Variants in COG1 observed in about 807,000 individuals in gnomAD.
The protein encoded by COG1 is component of oligomeric golgi complex 1, also known as conserved oligomeric Golgi complex subunit 1.
In COG1, 61 loss-of-function variants were observed where a neutral mutation model predicts 102.2. The observed-to-expected ratio is 0.60, with a 90% CI of 0.49 to 0.74. The LOEUF (loss-of-function observed/expected upper bound fraction) is 0.74, where lower values mean the gene tolerates loss of function less well. COG1 is among the 30% of genes least tolerant of loss of function. The pLI is 0.00. For synonymous variants in COG1, 454 were observed against 493.6 expected (o/e 0.92, Z 1.06); for missense variants, 1,164 against 1,232.1 (o/e 0.94, Z 0.83).
At chr17:73,195,023 C>T (rs962722022) in intron 1 of COG1, among the ~76,000 whole-genome samples, 2 of 152,194 alleles carry the variant, frequency 1.3e-5, no homozygotes, top group African/African-American at 4.8e-5. Context: ...AATGAGTGAC[C>T]TCATCCCTCC....
intron 4 of COG1, among the ~76,000 whole-genome samples, chr17:73,199,340 C>CT (rs11436401): frequency 0.51 from 77,917 of 151,956 alleles, 20,086 homozygotes; most frequent in East Asian, 0.6. Context: ...ACCCCCAGGA[C>CT]TGCATAGCAC....
At chr17:73,198,914 G>A (rs1375514595) in intron 4 of COG1, among the ~76,000 whole-genome samples, 1 of 152,242 alleles carries the variant, frequency 6.6e-6, no homozygotes, top group African/African-American at 2.4e-5. Context: ...TTTCCAGAGA[G>A]AGGTGCTTAA....
intron 13 of COG1, 126 bp downstream of exon 13, chr17:73,207,382 T>C: frequency 1.1e-6 from 1 of 917,094 alleles, no homozygotes; most frequent in Non-Finnish European, 1.7e-6. Flanking sequence ...ATGCTGCTTT[T>C]AATGGCGGCG....
intron 3 of COG1, 57 bp from the exon 4 acceptor site, chr17:73,197,167 CCT>C (rs1412352013): frequency 5.6e-6 from 9 of 1,612,248 alleles, no homozygotes; most frequent in Admixed American, 3.3e-5. Flanking sequence ...TCCAGAGCGT[CCT>C]CTGTCTTTCA....
intron 4 of COG1, 131 bp from the exon 5 acceptor site, chr17:73,199,734 C>G: frequency 5.7e-6 from 6 of 1,055,302 alleles, no homozygotes; most frequent in Non-Finnish European, 2.9e-6. Context: ...ACCATGACGC[C>G]TGGCAAATTG....
rs770925715 is a variant in COG1, at chr17:73,201,331, G to A, written c.1504G>A (p.Gly502Ser). ...AAACCGGGGTCAGTTTGCCAGTAGC[G>A]GCCTCTCCATGAAAGCACAAGCCAT... ...VANRGQFASS[G>S]LSMKAQAISP... The change falls in exon 7 of 14, where the codon GGC becomes AGC. Residue 502 changes from glycine to serine, a missense_variant. Physicochemically the swap from Gly to Ser is moderately conservative, Grantham distance 56 (BLOSUM62 0). Transcript: ENST00000299886. The A allele has an allele frequency of 3.7e-6, 6 of 1,614,166 alleles. No individual in the cohort carries two copies. The highest frequency in any genetic ancestry group is 1.3e-5 in the African/African-American group (1 of 75,032).
At chr17:73,197,134 G>T in intron 3 of COG1, 53 bp downstream of exon 3, 2 of 1,613,126 alleles carry the variant, frequency 1.2e-6, no homozygotes, top group Middle Eastern at 1.6e-4. Context: ...ATGGAGAAGG[G>T]TGAGCTGCGG....
chr17:73,207,839 A>C (rs1004241774), intron 13 of COG1: 26 of 1,268,568 alleles, frequency 2.0e-5, no homozygotes, highest in Non-Finnish European at 2.2e-5. Flanking sequence ...ACACAATATT[A>C]GCAGTGTATC....
intron 1 of COG1, 75 bp downstream of exon 1, chr17:73,193,459 CCCCTCTGTCAGTCCCAGACCCCGCGA>C: frequency 7.3e-7 from 1 of 1,361,010 alleles, no homozygotes. Flanking sequence ...CAACCCCGCC[CCCCTCTGTCAGTCCCAGACCCCGCGA>C]GTCCTCACCT....
Position 73,201,800 on chromosome 17 carries a change from A to C in COG1, c.1973A>C (p.Gln658Pro). ...AGAAAACAGGGAAAGGTGAAAACTCAGGAAATCATTCCTACACAGGCCAAG... is the reference window on the plus strand; with the variant it reads ...AGAAAACAGGGAAAGGTGAAAACTCCGGAAATCATTCCTACACAGGCCAAG... ...ALRKQGKVKT[Q>P]EIIPTQAKWQ... The change falls in exon 7 of 14, where the codon CAG (glutamine) becomes CCG (proline). Residue 658 changes from glutamine to proline, a missense_variant. Coordinates refer to ENST00000299886, the MANE Select transcript of COG1 (RefSeq NM_018714.3). The C allele has an allele frequency of 6.2e-7, 1 of 1,614,138 alleles. No homozygotes were observed. The highest frequency in any genetic ancestry group is 8.5e-7 in the Non-Finnish European group (1 of 1,179,970).
At chr17:73,206,303 T>C (rs764997768) in intron 11 of COG1, 41 bp downstream of exon 11, 1 of 1,466,770 alleles carries the variant, frequency 6.8e-7, no homozygotes, top group Non-Finnish European at 9.6e-7. Flanking sequence ...AACGAAGCGA[T>C]ACAGGCTCAA....
At chr17:73,206,882 G>C in intron 12 of COG1, 65 bp downstream of exon 12, 1 of 1,139,728 alleles carries the variant, frequency 8.8e-7, no homozygotes, top group South Asian at 1.2e-5. Flanking sequence ...ATCACGTCAG[G>C]AGATCGAGAC....
rs1272932767 is a variant in COG1 at position 73,193,215 on chromosome 17, G to A, written c.146G>A (p.Arg49Gln). 2 of 1,608,854 alleles carry A rather than the reference G, an allele frequency of 1.2e-6. No individual in the cohort carries two copies. Among genetic ancestry groups the A allele is most frequent in the Admixed American group, 1.7e-5 (1 of 59,418 alleles). ...AEIEHKKEEL[R>Q]QMVGERYRDL... ...ATCGAGCACAAGAAGGAGGAGCTGCGGCAGATGGTGGGCGAACGGTACCGC... is the reference window on the plus strand; with the variant it reads ...ATCGAGCACAAGAAGGAGGAGCTGCAGCAGATGGTGGGCGAACGGTACCGC... Residue 49 changes from arginine (R) to glutamine (Q), a missense_variant, in exon 1 of 14, where the codon CGG becomes CAG. Coordinates refer to ENST00000299886, the MANE Select transcript of COG1 (RefSeq NM_018714.3).
At position 73,196,501 on chromosome 17, in the gene COG1, C is replaced by G; in HGVS notation, c.316-6C>G. On this transcript the variant is annotated splice_region_variant and splice_polypyrimidine_tract_variant and intron_variant, in intron 1 of 13. Transcript: ENST00000299886. ...TTCTGGTTTAGTTCTGTGCCTTCCC[C>G]TGCAGCCACAGCAGCCATCCCAGGA... 6.2e-7 allele frequency: 1 copy of G among 1,614,162 alleles called. No homozygotes were observed.
chr17:73,197,510 C>T, intron 4 of COG1, 114 bp downstream of exon 4: 1 of 1,100,086 alleles, frequency 9.1e-7, no homozygotes, highest in Non-Finnish European at 1.4e-6. Context: ...GTGAACTGGA[C>T]AAATAGAGGC....
intron 4 of COG1, 108 bp downstream of exon 4, chr17:73,197,504 ACT>A (rs2061330460): frequency 8.2e-7 from 1 of 1,215,364 alleles, no homozygotes; most frequent in Non-Finnish European, 1.2e-6. Context: ...GGAGCAGTGA[ACT>A]GGACAAATAG....
rs774479733 is a variant in COG1 at position 73,207,242 on chromosome 17, G to A, written c.2791G>A (p.Glu931Lys). The change falls in exon 13 of 14, where the codon GAA becomes AAA. Residue 931 changes from glutamate (E) to lysine (K), a missense_variant. By Grantham distance (56) the Glu-to-Lys change is moderately conservative. Coordinates refer to ENST00000299886, the MANE Select transcript of COG1 (RefSeq NM_018714.3). ...AAAGGCTAAATCAACCAGAAACATC[G>A]AAACAAAAGCTCAGGTTGGTGCCAA... ...TRKAKSTRNI[E>K]TKAQVVPPAR... The A allele has an allele frequency of 3.7e-5, 60 of 1,613,726 alleles. No homozygotes were observed. In the South Asian group the frequency reaches 4.3e-4, roughly 12 times the overall value.
intron 13 of COG1, chr17:73,207,466 T>C: frequency 3.0e-6 from 2 of 673,952 alleles, no homozygotes; most frequent in Non-Finnish European, 5.3e-6. Flanking sequence ...CACTACCAAG[T>C]AGCCTCTTAA....
chr17:73,203,087 A>C lies in COG1; in HGVS notation c.2161A>C (p.Ile721Leu). 6.2e-7 allele frequency: 1 copy of C among 1,614,242 alleles called. No individual in the cohort carries two copies. ...ATATSWDELE[I>L]QEEAESGSSV... is the part of the protein sequence containing the mutation. Reference sequence around the variant, plus strand: ...AGCCACCAGCTGGGATGAGCTAGAAATTCAGGAGGAGGCAGAGTCTGGCAG... The same window carrying C: ...AGCCACCAGCTGGGATGAGCTAGAACTTCAGGAGGAGGCAGAGTCTGGCAG... The change falls in exon 8 of 14, where the codon ATT becomes CTT. Residue 721 changes from isoleucine to leucine, a missense_variant. By Grantham distance (5) the Ile-to-Leu change is conservative (BLOSUM62 2). Coordinates refer to ENST00000299886, the MANE Select transcript of COG1 (RefSeq NM_018714.3).
Sources: allele counts gnomAD v4.1 joint callset (sites outside exome capture counted in the v4.1 genomes callset), GRCh38; gene constraint gnomAD v4.1.1; transcripts MANE v1.5; gene names NCBI Gene and HGNC (gene_info 2026-07-23, HGNC 2026-07-21).